CARD8: variants seen among roughly 807,000 people sequenced by gnomAD.
The protein encoded by CARD8 is caspase recruitment domain-containing protein 8.
CARD8 carries 38 observed loss-of-function variants against 53.2 expected under a neutral mutation model. That is an observed-to-expected ratio of 0.71 (90% CI 0.55 to 0.94). CARD8 has a LOEUF of 0.94. Ranked by LOEUF, CARD8 falls within the 40% of genes least tolerant of loss-of-function variation. The probability of loss-of-function intolerance (pLI) is 0.00; values close to 1 mark genes in which losing one functional copy is unlikely to be tolerated. For missense variants in CARD8, 561 were observed against 655.5 expected, an observed-to-expected ratio of 0.86 and a Z score of 1.57; for synonymous variants, 245 against 244.9, an observed-to-expected ratio of 1.00 and a Z score of 0.00.
chr19:48,240,134 A>G (rs2044693783), intron 4 of CARD8, among the ~76,000 whole-genome samples: 1 of 152,234 alleles, frequency 6.6e-6, no homozygotes, highest in African/African-American at 2.4e-5. Context: ...CATACATGAA[A>G]TATTTGGTCA....
At chr19:48,221,631 A>T in intron 11 of CARD8, 99 bp downstream of exon 11, 1 of 816,358 alleles carries the variant, frequency 1.2e-6, no homozygotes, top group Non-Finnish European at 1.8e-6. Context: ...ATTTGTGATT[A>T]ATAAAAGAAA....
downstream of CARD8, among the ~76,000 whole-genome samples, chr19:48,204,638 A>C (rs776244949): frequency 1.3e-5 from 2 of 152,160 alleles, no homozygotes; most frequent in African/African-American, 2.4e-5. Flanking sequence ...GACAGATGTG[A>C]CTATAGACGG....
intron 12 of CARD8, among the ~76,000 whole-genome samples, chr19:48,216,839 C>A (rs908724638): frequency 6.6e-6 from 1 of 152,100 alleles, no homozygotes; most frequent in African/African-American, 2.4e-5. Context: ...CAGGATGATT[C>A]AAGTGCAATA....
chr19:48,220,925 AAGAG>A (rs1400948647), intron 11 of CARD8, among the ~76,000 whole-genome samples: 1 of 91,278 alleles, frequency 1.1e-5, no homozygotes, highest in Admixed American at 1.3e-4. Flanking sequence ...GAAGGAAAGA[AAGAG>A]AGAAAGAGGG....
chr19:48,229,941 C>T (rs1370084997), intron 10 of CARD8, among the ~76,000 whole-genome samples: 1 of 152,046 alleles, frequency 6.6e-6, no homozygotes, highest in African/African-American at 2.4e-5. Context: ...GGTGAAACCC[C>T]GTCTCTACTA....
intron 12 of CARD8, among the ~76,000 whole-genome samples, chr19:48,217,763 G>C (rs1028584860): frequency 3.3e-5 from 5 of 152,180 alleles, no homozygotes; most frequent in African/African-American, 1.2e-4. Context: ...AAATGTATTG[G>C]AGATATAAAT....
intron 11 of CARD8, among the ~76,000 whole-genome samples, 160 bp from the exon 12 acceptor site, chr19:48,219,172 A>C (rs1216524894): frequency 6.6e-6 from 1 of 152,186 alleles, no homozygotes; most frequent in East Asian, 1.9e-4. Flanking sequence ...TTACATTTAC[A>C]ATGTTAGGAA....
chr19:48,214,769 CTTTTTTTTTTTTTTTTT>C (rs531199248), intron 13 of CARD8, among the ~76,000 whole-genome samples: 1 of 89,568 alleles, frequency 1.1e-5, no homozygotes, highest in East Asian at 3.3e-4. Context: ...TGCTATAAAG[CTTTTTTTTTTTTTTTTT>C]TTTTTTTTTT....
rs2042328920 is a variant in CARD8, at chr19:48,229,022, C to T, written c.1035+1416G>A. On this transcript the variant is annotated intron_variant, in intron 10 of 13. Transcript: ENST00000651546. ...GACGTGGTGGCACACATCCGTAATC[C>T]CAGCTACTCGGGAGGCTGAGGCAGG... Among the ~76,000 whole-genome samples the T allele has an allele frequency of 2.6e-5, 4 of 152,038 alleles. No individual in the cohort carries two copies. In the South Asian group the frequency reaches 8.3e-4, roughly 32 times the overall value.
At position 48,230,783 on chromosome 19, in the gene CARD8, G is replaced by A. The variant is rs1476367407; in HGVS notation, c.766C>T (p.Leu256Phe). ...AEIHLPHFIS[L>F]QAGEVDVSWF... ...TCCGCTCACCCCACATTACCTTGGAGGGAGATGAAGTGGGGGAGGTGGATT... is the reference window on the plus strand; with the variant it reads ...TCCGCTCACCCCACATTACCTTGGAAGGAGATGAAGTGGGGGAGGTGGATT... The change falls in exon 9 of 14, where the codon CTC becomes TTC. Residue 256 changes from leucine to phenylalanine, a missense_variant. Coordinates refer to ENST00000651546, the MANE Select transcript of CARD8 (RefSeq NM_001184900.3). The A allele has an allele frequency of 3.7e-6, 6 of 1,613,934 alleles. No homozygotes were observed. The highest frequency in any genetic ancestry group is 4.2e-6 in the Non-Finnish European group (5 of 1,179,904).
chr19:48,249,196 CAAAA>C (rs780589520), intron 3 of CARD8, among the ~76,000 whole-genome samples: 1 of 101,120 alleles, frequency 9.9e-6, no homozygotes. Flanking sequence ...GACTCCGTCT[CAAAA>C]AAAAAAAAAA....
chr19:48,207,742 T>TC (rs1555790196), downstream of CARD8, among the ~76,000 whole-genome samples: 26 of 132,436 alleles, frequency 2.0e-4, no homozygotes, highest in African/African-American at 4.5e-4. Flanking sequence ...CTGTTTTTTT[T>TC]TTTTTTTTTT....
intron 3 of CARD8, among the ~76,000 whole-genome samples, chr19:48,248,010 G>A (rs543642935): frequency 1.6e-4 from 25 of 151,748 alleles, no homozygotes; most frequent in Middle Eastern, 3.4e-3. Context: ...AAGTTTTGAC[G>A]GTTTACTTTT....
rs1188749368 is a variant in CARD8 at position 48,209,824 on chromosome 19, GAGA to G, written c.*1883_*1885del. On this transcript the variant is annotated 3_prime_UTR_variant, in exon 14 of 14. Coordinates refer to ENST00000651546, the MANE Select transcript of CARD8 (RefSeq NM_001184900.3). ...ATATGAATTTTACAGTAGAAGACATGAGAAGGATATAAAAGTTTGTTTTCTGTA... is the reference window on the plus strand; with the variant it reads ...ATATGAATTTTACAGTAGAAGACATGAGGATATAAAAGTTTGTTTTCTGTA... The G allele has an allele frequency of 1.3e-5, 2 of 152,312 alleles. No individual in the cohort carries two copies. Among genetic ancestry groups the G allele is most frequent in the African/African-American group, 4.8e-5 (2 of 41,454 alleles). 9.4% of individuals were successfully genotyped at this position (152,312 alleles called of 1,614,324 possible). A position where few individuals can be genotyped will look rare whatever the true frequency, so the allele number is the denominator to read the frequency against.
chr19:48,238,170 T>A, intron 5 of CARD8: 1 of 775,484 alleles, frequency 1.3e-6, no homozygotes, highest in Non-Finnish European at 1.9e-6. Flanking sequence ...AGATTACAGG[T>A]GTGAGCCACT....
rs918090395 is a variant in CARD8, at chr19:48,231,696, T to A, written c.506A>T (p.Asp169Val). ...TGTGCTCTTATCAATCAACTCAACA[T>A]CCACATTTCCTTCAGGCCCCAGAAA... ...RQFLGPEGNV[D>V]VELIDKSTNR... Residue 169 changes from aspartate (D) to valine (V), a missense_variant, in exon 8 of 14, where the codon GAT becomes GTT. By Grantham distance (152) the Asp-to-Val change is radical. Coordinates refer to ENST00000651546, the MANE Select transcript of CARD8 (RefSeq NM_001184900.3). 1.9e-6 allele frequency: 3 copies of A among 1,611,174 alleles called. No individual in the cohort carries two copies. The highest frequency in any genetic ancestry group is 2.5e-6 in the Non-Finnish European group (3 of 1,178,854).
In CARD8 at chr19:48,209,374, T is replaced by C. The variant is rs746869446; in HGVS notation, c.*2336A>G. Reference sequence around the variant, plus strand: ...AATATAAGGCAAGAAATTTAAAATATAGAGAACAAAATGGAAATTTTAGAA... The same window carrying C: ...AATATAAGGCAAGAAATTTAAAATACAGAGAACAAAATGGAAATTTTAGAA... On this transcript the variant is annotated 3_prime_UTR_variant, in exon 14 of 14. Coordinates refer to ENST00000651546, the MANE Select transcript of CARD8 (RefSeq NM_001184900.3). 1.3e-5 allele frequency: 2 copies of C among 151,446 alleles called. No individual in the cohort carries two copies. The highest frequency in any genetic ancestry group is 2.9e-5 in the Non-Finnish European group (2 of 67,916). The allele number at this position is 151,446 out of a possible 1,614,324, so 9.4% of individuals were successfully genotyped here.
chr19:48,214,769 C>CTTTTTTTTTTTT lies in CARD8; in HGVS notation c.1348+559_1348+570dup, dbSNP rs531199248. 3.1e-4 allele frequency among the ~76,000 whole-genome samples: 28 copies of CTTTTTTTTTTTT among 89,568 alleles called. 3 individuals carry two copies. Among genetic ancestry groups the CTTTTTTTTTTTT allele is most frequent in the African/African-American group, 7.3e-4 (15 of 20,584 alleles). The allele number at this position is 89,568 out of a possible 152,430, so 58.8% of individuals were successfully genotyped here. On this transcript the variant is annotated intron_variant, in intron 13 of 13. Coordinates refer to ENST00000651546, the MANE Select transcript of CARD8 (RefSeq NM_001184900.3). The stretch of plus-strand genomic sequence containing the variant: ...CCTTCCTTTCATTCCTGCTATAAAG[C>CTTTTTTTTTTTT]TTTTTTTTTTTTTTTTTTTTTTTTT...
At chr19:48,205,323 G>A (rs974800245), downstream of CARD8, among the ~76,000 whole-genome samples, 2 of 152,082 alleles carry the variant, frequency 1.3e-5, no homozygotes, top group Non-Finnish European at 2.9e-5. Context: ...TCTGCTTCCC[G>A]GGTTCAAGCG....
Sources: allele counts gnomAD v4.1 joint callset (sites outside exome capture counted in the v4.1 genomes callset), GRCh38; gene constraint gnomAD v4.1.1; transcripts MANE v1.5; gene names NCBI Gene and HGNC (gene_info 2026-07-23, HGNC 2026-07-21).